DTNBP1: variants seen among roughly 807,000 people sequenced by gnomAD.
The protein encoded by DTNBP1 is dysbindin.
Under a neutral mutation model 42.8 loss-of-function variants are expected in DTNBP1, and 35 were observed. That is an observed-to-expected ratio of 0.82 (90% CI 0.63 to 1.09). DTNBP1 has a LOEUF of 1.09. Among genes scored for constraint, DTNBP1 ranks in the 50% least tolerant of loss-of-function variants. The pLI is 0.00. For synonymous variants in DTNBP1, 171 were observed against 162.2 expected (o/e 1.05, Z -0.41); for missense variants, 457 against 424.2 (o/e 1.08, Z -0.68).
intron 7 of DTNBP1, among the ~76,000 whole-genome samples, chr6:15,543,673 C>T (rs915655063): frequency 1.4e-4 from 22 of 152,182 alleles, no homozygotes; most frequent in African/African-American, 4.8e-4. Flanking sequence ...TAAAGTTTAA[C>T]TTCCTCATTC....
chr6:15,595,574 T>C (rs774194916), intron 6 of DTNBP1, among the ~76,000 whole-genome samples: 1 of 152,132 alleles, frequency 6.6e-6, no homozygotes, highest in African/African-American at 2.4e-5. Context: ...ACCAGTATTA[T>C]GGAACTTTTA....
chr6:15,594,162 T>C (rs1251717117), intron 6 of DTNBP1, among the ~76,000 whole-genome samples: 1 of 152,160 alleles, frequency 6.6e-6, no homozygotes, highest in African/African-American at 2.4e-5. Flanking sequence ...TTCAATCCTA[T>C]TTTTTCAAAA....
chr6:15,657,895 G>A (rs576562149), intron 1 of DTNBP1, among the ~76,000 whole-genome samples: 2 of 152,206 alleles, frequency 1.3e-5, no homozygotes, highest in South Asian at 2.1e-4. Context: ...CAAATCTATC[G>A]CAATTTCTCC....
In DTNBP1 at chr6:15,598,253, A is replaced by G. The variant is rs143782872; in HGVS notation, c.489-5172T>C. Among the ~76,000 whole-genome samples, 889 of 152,356 alleles carry G rather than the reference A, an allele frequency of 5.8e-3. 6 individuals are homozygous for G. The highest frequency in any genetic ancestry group is 9.6e-3 in the Non-Finnish European group (653 of 68,034). On this transcript the variant is annotated intron_variant, in intron 6 of 9. Coordinates refer to ENST00000344537, the MANE Select transcript of DTNBP1 (RefSeq NM_032122.5). ...AATCTATATATATGAGTAGAAATCAACTAGCTCAGACTGAAGATGAAAACT... is the reference window on the plus strand; with the variant it reads ...AATCTATATATATGAGTAGAAATCAGCTAGCTCAGACTGAAGATGAAAACT...
At chr6:15,595,125 A>T in intron 6 of DTNBP1, 1 of 456,520 alleles carries the variant, frequency 2.2e-6, no homozygotes, top group Non-Finnish European at 4.4e-6. Context: ...CACAACTGTC[A>T]GCGAAATTTC....
intron 7 of DTNBP1, among the ~76,000 whole-genome samples, chr6:15,564,148 G>A (rs568561471): frequency 7.7e-4 from 117 of 151,770 alleles, no homozygotes; most frequent in Non-Finnish European, 1.3e-3. Context: ...CTCATTTAGC[G>A]GCTCCACAAG....
At chr6:15,606,022 T>C (rs1455635128) in intron 6 of DTNBP1, among the ~76,000 whole-genome samples, 1 of 152,250 alleles carries the variant, frequency 6.6e-6, no homozygotes, top group Non-Finnish European at 1.5e-5. Context: ...ACAAGTGTCT[T>C]AGATGGCACT....
intron 9 of DTNBP1, chr6:15,524,200 G>A: frequency 1.3e-6 from 2 of 1,493,964 alleles, no homozygotes; most frequent in Non-Finnish European, 1.8e-6. Flanking sequence ...GCACCTCCCT[G>A]CAAACGCCAG....
chr6:15,649,998 C>T (rs1045040878), intron 3 of DTNBP1, among the ~76,000 whole-genome samples: 8 of 152,142 alleles, frequency 5.3e-5, no homozygotes, highest in African/African-American at 1.9e-4. Context: ...CATTTCTGTT[C>T]TTCACACAAC....
intron 4 of DTNBP1, among the ~76,000 whole-genome samples, chr6:15,632,684 C>G (rs1200319387): frequency 6.6e-6 from 1 of 152,184 alleles, no homozygotes; most frequent in Non-Finnish European, 1.5e-5. Context: ...ACTTTTTACC[C>G]TGAATAGGTA....
intron 7 of DTNBP1, among the ~76,000 whole-genome samples, chr6:15,558,685 T>C (rs1774663771): frequency 6.6e-6 from 1 of 152,164 alleles, no homozygotes. Flanking sequence ...TTGAGCAAAA[T>C]GGGAATTGCA....
intron 8 of DTNBP1, among the ~76,000 whole-genome samples, chr6:15,532,812 G>T (rs917452311): frequency 6.8e-6 from 1 of 146,110 alleles, no homozygotes; most frequent in Non-Finnish European, 1.5e-5. Context: ...TGATTCCCGT[G>T]CTTCAGCCTC....
At chr6:15,536,884 G>A (rs1320973088) in intron 7 of DTNBP1, among the ~76,000 whole-genome samples, 3 of 152,266 alleles carry the variant, frequency 2.0e-5, no homozygotes, top group Non-Finnish European at 4.4e-5. Context: ...TAACCTGGAA[G>A]TAAGGCATGA....
chr6:15,545,945 C>T, intron 7 of DTNBP1: 1 of 379,712 alleles, frequency 2.6e-6, no homozygotes, highest in South Asian at 1.9e-5. Context: ...AGGGCCAGCT[C>T]AGGCAGGCGG....
intron 8 of DTNBP1, among the ~76,000 whole-genome samples, chr6:15,528,136 C>T (rs9296978): frequency 0.16 from 24,250 of 152,158 alleles, 2,995 homozygotes; most frequent in African/African-American, 0.34. Flanking sequence ...AACTGTAACA[C>T]TTATACCAAC....
rs1351322805 is a variant in DTNBP1, at chr6:15,660,587, C to T, written c.56+2227G>A. On this transcript the variant is annotated intron_variant, in intron 1 of 9. Coordinates refer to ENST00000344537, the MANE Select transcript of DTNBP1 (RefSeq NM_032122.5). The stretch of plus-strand genomic sequence containing the variant: ...CTCAGGATGTCTAGCTCCAAAATGG[C>T]CCCAGACTACGGCATCTTTAAGAAG... 2.3e-6 allele frequency: 3 copies of T among 1,277,946 alleles called. No homozygotes were observed. In the East Asian group the frequency reaches 1.7e-4, roughly 71 times the overall value. 79.2% of individuals were successfully genotyped at this position (1,277,946 alleles called of 1,614,324 possible).
chr6:15,627,257 T>C lies in DTNBP1; in HGVS notation c.355+86A>G, dbSNP rs1180220784. The C allele has an allele frequency of 1.9e-6, 3 of 1,550,624 alleles. No individual in the cohort carries two copies. The African/African-American group carries it at 4.1e-5, about 21-fold the overall frequency. ...CCTGTTAACCCAGAATTTCATGTGT[T>C]CCTGAAAAGCTCTGAAATTACACCA... is the stretch of plus-strand genomic sequence containing the variant. On this transcript the variant is annotated intron_variant, in intron 5 of 9. Coordinates refer to ENST00000344537, the MANE Select transcript of DTNBP1 (RefSeq NM_032122.5).
At chr6:15,523,281 G>A (rs372011890) in intron 9 of DTNBP1, 62 bp from the exon 10 acceptor site, 25 of 1,598,786 alleles carry the variant, frequency 1.6e-5, no homozygotes, top group South Asian at 1.0e-4. Context: ...CAGAATTGCC[G>A]CCAACAGCTG....
At chr6:15,591,706 G>C (rs886198085) in intron 7 of DTNBP1, among the ~76,000 whole-genome samples, 18 of 152,166 alleles carry the variant, frequency 1.2e-4, no homozygotes, top group Non-Finnish European at 2.5e-4. Context: ...ACTAAAAAAA[G>C]TACGCCTCAG....
Sources: allele counts gnomAD v4.1 joint callset (sites outside exome capture counted in the v4.1 genomes callset), GRCh38; gene constraint gnomAD v4.1.1; transcripts MANE v1.5; gene names NCBI Gene and HGNC (gene_info 2026-07-23, HGNC 2026-07-21).